Variants in PTPRZ1 observed in about 807,000 individuals in gnomAD.
PTPRZ1 encodes the protein receptor-type tyrosine-protein phosphatase zeta.
PTPRZ1 carries 82 observed loss-of-function variants against 214.1 expected under a neutral mutation model. The ratio of observed to expected loss-of-function variants is 0.38; its 90% confidence interval spans 0.32 to 0.46. The LOEUF (loss-of-function observed/expected upper bound fraction) is 0.46, where lower values mean the gene tolerates loss of function less well. Among genes scored for constraint, PTPRZ1 ranks in the 20% least tolerant of loss-of-function variants. The pLI is 1.00. For missense variants in PTPRZ1, 2,603 were observed against 2,748.7 expected (o/e 0.95, Z 1.19); for synonymous variants, 945 against 987.9 (o/e 0.96, Z 0.81).
At chr7:121,879,543 T>C (rs1044851527) in intron 1 of PTPRZ1, among the ~76,000 whole-genome samples, 3 of 152,192 alleles carry the variant, frequency 2.0e-5, no homozygotes, top group Non-Finnish European at 2.9e-5. Context: ...TTTTATCATG[T>C]GGATGTACGT....
intron 8 of PTPRZ1, among the ~76,000 whole-genome samples, chr7:121,991,115 G>A (rs1045840356): frequency 1.3e-5 from 2 of 152,142 alleles, no homozygotes; most frequent in African/African-American, 4.8e-5. Flanking sequence ...AACTCCCCAA[G>A]CTTCAGTTTC....
Position 121,873,514 on chromosome 7 carries a change from G to C in PTPRZ1, c.15G>C (p.Lys5Asn). ...ACCGTCTGGAAATGCGAATCCTAAA[G>C]CGTTTCCTCGCTTGCATTCAGCTCC... MRIL[K>N]RFLACIQLLC... The change falls in exon 1 of 30, where the codon AAG becomes AAC. Residue 5 changes from lysine to asparagine, a missense_variant. Coordinates refer to ENST00000393386, the MANE Select transcript of PTPRZ1 (RefSeq NM_002851.3). The C allele has an allele frequency of 1.2e-6, 2 of 1,614,014 alleles. No homozygotes were observed. Among genetic ancestry groups the C allele is most frequent in the Non-Finnish European group, 1.7e-6 (2 of 1,180,038 alleles).
At chr7:121,927,903 T>G (rs1795811645) in intron 1 of PTPRZ1, among the ~76,000 whole-genome samples, 1 of 152,210 alleles carries the variant, frequency 6.6e-6, no homozygotes. Context: ...TTTCATTACC[T>G]AAATATGTAC....
Position 122,036,670 on chromosome 7 carries a change from C to G in PTPRZ1, c.5355C>G (p.Ala1785=), listed in dbSNP as rs1342972440. Residue 1785 remains alanine (A), a synonymous_variant, in exon 18 of 30, where the codon GCC becomes GCG. Transcript: ENST00000393386. ...KDGKLTDYIN[A]NYVDGYNRPK... is the part of the protein sequence containing the mutation. ...GCAAACTGACTGATTATATCAATGC[C>G]AATTATGTTGATGTAAGCATGTTTT... The G allele has an allele frequency of 3.1e-6, 5 of 1,599,522 alleles. No individual in the cohort carries two copies. In the African/African-American group the frequency reaches 5.4e-5, roughly 17 times the overall value.
At chr7:122,003,941 T>C (rs549973038) in intron 10 of PTPRZ1, among the ~76,000 whole-genome samples, 10 of 152,282 alleles carry the variant, frequency 6.6e-5, no homozygotes, top group African/African-American at 2.4e-4. Flanking sequence ...GGTCATCAGA[T>C]TCTTTAAGTA....
intron 6 of PTPRZ1, among the ~76,000 whole-genome samples, chr7:121,978,162 G>C (rs1797499116): frequency 6.6e-6 from 1 of 152,152 alleles, no homozygotes; most frequent in Admixed American, 6.5e-5. Flanking sequence ...AAGATACTTT[G>C]TCAGATACAC....
intron 20 of PTPRZ1, among the ~76,000 whole-genome samples, chr7:122,040,032 T>C (rs1194436423): frequency 6.6e-6 from 1 of 151,986 alleles, no homozygotes; most frequent in African/African-American, 2.4e-5. Flanking sequence ...CTGCCGTCAG[T>C]CCTAAAGGTT....
chr7:121,927,299 T>C (rs901005943), intron 1 of PTPRZ1, among the ~76,000 whole-genome samples: 4 of 152,208 alleles, frequency 2.6e-5, no homozygotes, highest in Admixed American at 6.5e-5. Context: ...ACCCACAGTG[T>C]AGCTGAAATG....
At chr7:121,983,849 A>G (rs1275809714) in intron 7 of PTPRZ1, 27 bp downstream of exon 7, 2 of 1,604,430 alleles carry the variant, frequency 1.2e-6, no homozygotes, top group East Asian at 4.5e-5. Context: ...AAACAAATCA[A>G]GTAATTCAAA....
intron 13 of PTPRZ1, among the ~76,000 whole-genome samples, chr7:122,024,084 C>T (rs1413195076): frequency 6.6e-6 from 1 of 151,706 alleles, no homozygotes; most frequent in Non-Finnish European, 1.5e-5. Context: ...ACATTCACTG[C>T]TTATACTGAA....
At chr7:122,044,837 C>T (rs1360701477) in intron 23 of PTPRZ1, among the ~76,000 whole-genome samples, 1 of 151,740 alleles carries the variant, frequency 6.6e-6, no homozygotes, top group Non-Finnish European at 1.5e-5. Context: ...GGGCACAGAG[C>T]ATAACAGAAT....
At chr7:121,994,396 G>T (rs997913952) in intron 8 of PTPRZ1, among the ~76,000 whole-genome samples, 4 of 138,004 alleles carry the variant, frequency 2.9e-5, no homozygotes, top group Non-Finnish European at 4.5e-5. Context: ...CCGGGTTCAC[G>T]CCATTCTCCT....
At chr7:121,934,072 G>T (rs1472638055) in intron 2 of PTPRZ1, among the ~76,000 whole-genome samples, 1 of 152,108 alleles carries the variant, frequency 6.6e-6, no homozygotes, top group African/African-American at 2.4e-5. Flanking sequence ...GTTGACCATG[G>T]TTACCCCTGG....
chr7:121,968,468 T>A (rs1797110933), intron 3 of PTPRZ1, among the ~76,000 whole-genome samples: 2 of 152,172 alleles, frequency 1.3e-5, no homozygotes, highest in Admixed American at 1.3e-4. Flanking sequence ...TATAGTTTGA[T>A]CTTTTCTGCC....
At chr7:121,963,778 C>A (rs886965675) in intron 2 of PTPRZ1, among the ~76,000 whole-genome samples, 10 of 152,008 alleles carry the variant, frequency 6.6e-5, no homozygotes, top group African/African-American at 2.4e-4. Flanking sequence ...GTATGATCAC[C>A]ATGGTTGCCC....
At chr7:121,931,740 G>A (rs1795932474) in intron 2 of PTPRZ1, among the ~76,000 whole-genome samples, 2 of 152,316 alleles carry the variant, frequency 1.3e-5, no homozygotes, top group South Asian at 4.1e-4. Context: ...AATGGGCTGA[G>A]TATAGACACA....
intron 1 of PTPRZ1, among the ~76,000 whole-genome samples, chr7:121,919,548 G>A (rs1197572845): frequency 1.3e-5 from 2 of 152,000 alleles, no homozygotes; most frequent in African/African-American, 4.8e-5. Flanking sequence ...ACATAGAAAT[G>A]CATCCCCCAT....
chr7:122,039,768 T>C (rs1799659277), intron 20 of PTPRZ1, among the ~76,000 whole-genome samples, 180 bp downstream of exon 20: 1 of 152,066 alleles, frequency 6.6e-6, no homozygotes, highest in Non-Finnish European at 1.5e-5. Flanking sequence ...GAGGCCAAGG[T>C]GGGTGAATTA....
intron 24 of PTPRZ1, 148 bp downstream of exon 24, chr7:122,051,669 T>A (rs1792189620): frequency 1.2e-6 from 1 of 836,834 alleles, no homozygotes; most frequent in African/African-American, 1.7e-5. Context: ...TCCAAAGGAC[T>A]CATAAATCCT....
Sources: allele counts gnomAD v4.1 joint callset (sites outside exome capture counted in the v4.1 genomes callset), GRCh38; gene constraint gnomAD v4.1.1; transcripts MANE v1.5; gene names NCBI Gene and HGNC (gene_info 2026-07-23, HGNC 2026-07-21).